CFAP43: variants seen among roughly 807,000 people sequenced by gnomAD.
CFAP43 encodes cilia and flagella associated protein 43.
In CFAP43, 155 loss-of-function variants were observed where a neutral mutation model predicts 218.9. The ratio of observed to expected loss-of-function variants is 0.71; its 90% CI spans 0.62 to 0.81. The LOEUF is 0.81. Among genes scored for constraint, CFAP43 ranks in the 30% least tolerant of loss-of-function variants. The pLI is 0.00. For missense variants in CFAP43, 1,778 were observed against 1,954.3 expected (o/e 0.91, Z 1.70); for synonymous variants, 645 against 681.3 (o/e 0.95, Z 0.83).
intron 2 of CFAP43, among the ~76,000 whole-genome samples, chr10:104,229,604 C>T (rs2091395307): frequency 6.6e-6 from 1 of 151,994 alleles, no homozygotes; most frequent in South Asian, 2.1e-4. Flanking sequence ...GTGGAGGCTG[C>T]AGTGAGCCAA....
At chr10:104,205,879 A>G in intron 7 of CFAP43, 84 bp downstream of exon 7, 1 of 1,147,800 alleles carries the variant, frequency 8.7e-7, no homozygotes, top group Non-Finnish European at 1.3e-6. Context: ...ACATCCTAAA[A>G]TATGGCTCAT....
intron 34 of CFAP43, among the ~76,000 whole-genome samples, chr10:104,137,809 A>AAAAAC (rs1449461254): frequency 1.3e-5 from 2 of 152,176 alleles, no homozygotes; most frequent in South Asian, 2.1e-4. Flanking sequence ...TCAAAAAACA[A>AAAAAC]AAAACAAAAC....
At chr10:104,176,674 C>G (rs1357115508) in intron 19 of CFAP43, among the ~76,000 whole-genome samples, 1 of 152,200 alleles carries the variant, frequency 6.6e-6, no homozygotes, top group Non-Finnish European at 1.5e-5. Flanking sequence ...TCCTTTCCAA[C>G]TGACTCAAAT....
At chr10:104,145,958 T>C (rs1161767826) in intron 30 of CFAP43, among the ~76,000 whole-genome samples, 1 of 152,224 alleles carries the variant, frequency 6.6e-6, no homozygotes, top group Admixed American at 6.5e-5. Flanking sequence ...GGTCATAACC[T>C]ACTAAATTGA....
At chr10:104,163,993 C>G in intron 24 of CFAP43, 101 bp downstream of exon 24, 2 of 1,147,132 alleles carry the variant, frequency 1.7e-6, no homozygotes, top group Non-Finnish European at 2.5e-6. Context: ...GAGAGTGCTA[C>G]CCAGTACAAT....
At chr10:104,150,884 C>G (rs1008886792) in intron 28 of CFAP43, among the ~76,000 whole-genome samples, 2 of 152,096 alleles carry the variant, frequency 1.3e-5, no homozygotes, top group African/African-American at 2.4e-5. Flanking sequence ...CTTCTCCCTC[C>G]TCCCACCCAC....
chr10:104,143,428 T>C lies in CFAP43; in HGVS notation c.4156A>G (p.Lys1386Glu). Reference sequence around the variant, plus strand: ...AATTAAGTTAAAATAGTATATACTTTCTGTTCATTTTCCACTTTTGCTCGT... The same window carrying C: ...AATTAAGTTAAAATAGTATATACTTCCTGTTCATTTTCCACTTTTGCTCGT... ...TRRAKVENEQ[K>E]VKQKAADLLE... Residue 1386 changes from lysine (K) to glutamate (E), a missense_variant and splice_region_variant, in exon 32 of 38, where the codon AAA (lysine) becomes GAA (glutamate). By Grantham distance (56) the Lys-to-Glu change is moderately conservative (BLOSUM62 1). This residue lies in a region of CFAP43 where 1,553 missense variants were observed against 1,685.2 expected (regional missense o/e 0.92). Transcript: ENST00000357060. 1.2e-6 allele frequency: 2 copies of C among 1,613,508 alleles called. No homozygotes were observed. The highest frequency in any genetic ancestry group is 1.7e-6 in the Non-Finnish European group (2 of 1,179,620).
At chr10:104,227,915 C>T (rs973337876) in intron 2 of CFAP43, among the ~76,000 whole-genome samples, 1 of 133,500 alleles carries the variant, frequency 7.5e-6, no homozygotes, top group Non-Finnish European at 1.5e-5. Flanking sequence ...GGCGTGATCT[C>T]GGCTCGCTGC....
intron 27 of CFAP43, among the ~76,000 whole-genome samples, chr10:104,154,301 T>C (rs1383123486): frequency 6.6e-6 from 1 of 152,186 alleles, no homozygotes; most frequent in Non-Finnish European, 1.5e-5. Context: ...AGCCAAGTTC[T>C]CTCTATGCCA....
chr10:104,221,284 T>C (rs2134998414), intron 3 of CFAP43, among the ~76,000 whole-genome samples: 1 of 152,300 alleles, frequency 6.6e-6, no homozygotes, highest in African/African-American at 2.4e-5. Context: ...TGTGTGTGTG[T>C]TCTTTTAAGC....
At chr10:104,214,521 T>C (rs1042797236) in intron 3 of CFAP43, 95 bp from the exon 4 acceptor site, 1 of 1,039,742 alleles carries the variant, frequency 9.6e-7, no homozygotes, top group Non-Finnish European at 1.3e-6. Flanking sequence ...AATTGGGATA[T>C]AATTTATGAT....
chr10:104,168,994 A>C, intron 20 of CFAP43, 146 bp from the exon 21 acceptor site: 1 of 629,150 alleles, frequency 1.6e-6, no homozygotes, highest in Middle Eastern at 3.8e-4. Flanking sequence ...GCCACCTTGC[A>C]CTGAGATGCA....
Position 104,129,897 on chromosome 10 carries a change from A to G in CFAP43, c.*242T>C, listed in dbSNP as rs2087102958. 2.6e-6 allele frequency: 1 copy of G among 383,484 alleles called. No individual in the cohort carries two copies. Among genetic ancestry groups the G allele is most frequent in the African/African-American group, 2.1e-5 (1 of 47,238 alleles). The allele number at this position is 383,484 out of a possible 1,614,324, so 23.8% of individuals were successfully genotyped here. On this transcript the variant is annotated 3_prime_UTR_variant, in exon 38 of 38. Transcript: ENST00000357060. ...TAAAATAGATCTTGAATACTTTCTG[A>G]CTTCAAGTCTTGTTTATTCTTGAAT...
chr10:104,173,332 C>T (rs368449574), intron 19 of CFAP43, among the ~76,000 whole-genome samples: 8 of 152,268 alleles, frequency 5.3e-5, no homozygotes, highest in African/African-American at 1.4e-4. Flanking sequence ...AAAACTATAA[C>T]AACTGAAAGA....
At chr10:104,143,065 A>G (rs1400173454) in intron 32 of CFAP43, among the ~76,000 whole-genome samples, 1 of 152,204 alleles carries the variant, frequency 6.6e-6, no homozygotes, top group Non-Finnish European at 1.5e-5. Context: ...TCAACCTATA[A>G]TCAATATAAA....
At chr10:104,143,381 G>T (rs1202101213) in intron 32 of CFAP43, 45 bp downstream of exon 32, 4 of 1,513,662 alleles carry the variant, frequency 2.6e-6, no homozygotes, top group East Asian at 2.4e-5. Flanking sequence ...CTATGTATTT[G>T]ATATTAGTAC....
chr10:104,165,040 G>T (rs1412623169), intron 23 of CFAP43, among the ~76,000 whole-genome samples: 1 of 152,238 alleles, frequency 6.6e-6, no homozygotes, highest in Non-Finnish European at 1.5e-5. Context: ...TGGAAAAGAA[G>T]AGATAGTTTG....
chr10:104,170,104 C>T (rs978498280), intron 20 of CFAP43, among the ~76,000 whole-genome samples: 2 of 152,052 alleles, frequency 1.3e-5, no homozygotes, highest in Admixed American at 1.3e-4. Flanking sequence ...TCCTAAACAG[C>T]TGAGTTTATG....
intron 5 of CFAP43, among the ~76,000 whole-genome samples, chr10:104,209,797 T>C (rs962432121): frequency 1.3e-5 from 2 of 152,148 alleles, no homozygotes; most frequent in African/African-American, 4.8e-5. Context: ...CCACTGTGGC[T>C]GAATGCAGTT....
Sources: gnomAD v4.1 joint callset for allele counts (sites outside exome capture counted in the v4.1 genomes callset) on GRCh38, gnomAD v4.1.1 for gene constraint, gnomAD v4.1.1 regional missense constraint, MANE v1.5 for transcripts, NCBI Gene and HGNC (gene_info 2026-07-23, HGNC 2026-07-21) for gene names.